Variants in EPN2 observed in about 807,000 individuals in gnomAD.
EPN2 encodes the protein epsin 2.
A neutral mutation model predicts 61.7 loss-of-function variants in EPN2; 34 were observed. The observed-to-expected ratio is 0.55, with a 90% CI of 0.42 to 0.73. The LOEUF (loss-of-function observed/expected upper bound fraction) is 0.73, where lower values mean the gene tolerates loss of function less well. EPN2 is among the 30% of genes least tolerant of loss of function. The probability of loss-of-function intolerance (pLI) is 0.00; values close to 1 mark genes in which losing one functional copy is unlikely to be tolerated. For synonymous variants in EPN2, 349 were observed against 353.6 expected (o/e 0.99, Z 0.15); for missense variants, 714 against 839.2 (o/e 0.85, Z 1.84).
chr17:19,312,356 A>T (rs1906182270), intron 6 of EPN2, among the ~76,000 whole-genome samples: 1 of 152,230 alleles, frequency 6.6e-6, no homozygotes, highest in Non-Finnish European at 1.5e-5. Context: ...CCAGTGCCTC[A>T]GTCTGCTCGT....
intron 4 of EPN2, among the ~76,000 whole-genome samples, chr17:19,287,929 A>G (rs1343841850): frequency 6.6e-6 from 1 of 152,114 alleles, no homozygotes; most frequent in East Asian, 1.9e-4. Flanking sequence ...TGACCTTGGA[A>G]GTCTCTTGAA....
At position 19,325,429 on chromosome 17, in the gene EPN2, A is replaced by C. The variant is rs1261574013; in HGVS notation, c.1148-3282A>C. ...TGAAGTACTTTGTTTGCAAGAACCAACTCATTAGAAAATTTACAAATGTAC... is the reference window on the plus strand; with the variant it reads ...TGAAGTACTTTGTTTGCAAGAACCACCTCATTAGAAAATTTACAAATGTAC... On this transcript the variant is annotated intron_variant, in intron 7 of 10. Coordinates refer to ENST00000314728, the MANE Select transcript of EPN2 (RefSeq NM_014964.5). Among the ~76,000 whole-genome samples, 3 of 152,238 alleles carry C rather than the reference A, an allele frequency of 2.0e-5. No individual in the cohort carries two copies. In the East Asian group the frequency reaches 5.8e-4, roughly 29 times the overall value.
intron 4 of EPN2, among the ~76,000 whole-genome samples, chr17:19,292,118 G>A (rs3785784): frequency 0.91 from 138,926 of 152,304 alleles, 63,931 homozygotes; most frequent in African/African-American, 0.97. Flanking sequence ...CCCAGCCAGC[G>A]TGTCAGAAGT....
intron 8 of EPN2, chr17:19,329,113 G>T: frequency 2.0e-6 from 1 of 508,940 alleles, no homozygotes; most frequent in Non-Finnish European, 3.5e-6. Flanking sequence ...AAATTGAGGG[G>T]GCTTCCACCT....
At chr17:19,298,001 G>A (rs1183502795) in intron 4 of EPN2, among the ~76,000 whole-genome samples, 5 of 151,954 alleles carry the variant, frequency 3.3e-5, no homozygotes, top group Admixed American at 1.3e-4. Context: ...CCAGCCTCCC[G>A]AGTAGCTGGG....
chr17:19,266,405 A>ATT (rs5819665), intron 1 of EPN2, among the ~76,000 whole-genome samples: 7 of 142,082 alleles, frequency 4.9e-5, no homozygotes, highest in African/African-American at 5.2e-5. Context: ...TATTTATTTT[A>ATT]TTTTTTTTTT....
At chr17:19,298,940 G>GT (rs1220518233) in intron 4 of EPN2, among the ~76,000 whole-genome samples, 22 of 152,014 alleles carry the variant, frequency 1.4e-4, no homozygotes, top group Non-Finnish European at 2.4e-4. Context: ...CAGAAAGCTT[G>GT]TTTTTTTCTT....
chr17:19,311,736 T>C (rs1206704903), intron 5 of EPN2, among the ~76,000 whole-genome samples: 1 of 152,218 alleles, frequency 6.6e-6, no homozygotes, highest in Non-Finnish European at 1.5e-5. Context: ...ATAAGTAGAA[T>C]TTATAAAGCC....
At chr17:19,255,668 G>T (rs1038125082) in intron 1 of EPN2, among the ~76,000 whole-genome samples, 2 of 150,098 alleles carry the variant, frequency 1.3e-5, no homozygotes, top group African/African-American at 4.9e-5. Flanking sequence ...CTGTTGCCCA[G>T]CTGGAGTGTG....
At chr17:19,271,540 GTCTC>G (rs1005971862) in intron 1 of EPN2, 1 of 152,262 alleles carries the variant, frequency 6.6e-6, no homozygotes, top group African/African-American at 2.4e-5. Context: ...TGCTCTTGTG[GTCTC>G]TAAGATCCTG....
At chr17:19,274,680 G>A (rs2045288828) in intron 1 of EPN2, among the ~76,000 whole-genome samples, 2 of 152,134 alleles carry the variant, frequency 1.3e-5, no homozygotes, top group African/African-American at 4.8e-5. Flanking sequence ...ACAGAGGCAC[G>A]GGGTGTAGAG....
chr17:19,243,689 G>A (rs189493620), intron 1 of EPN2, among the ~76,000 whole-genome samples: 270 of 152,022 alleles, frequency 1.8e-3, no homozygotes, highest in African/African-American at 6.3e-3. Flanking sequence ...CACTGCGCCC[G>A]GCCATGCCCG....
At chr17:19,266,503 T>C (rs1007961661) in intron 1 of EPN2, among the ~76,000 whole-genome samples, 3 of 151,734 alleles carry the variant, frequency 2.0e-5, no homozygotes, top group African/African-American at 7.3e-5. Context: ...CCCGGGTTCG[T>C]GCCATTCTCC....
chr17:19,243,274 C>T (rs534722190), intron 1 of EPN2, among the ~76,000 whole-genome samples: 31 of 140,942 alleles, frequency 2.2e-4, no homozygotes, highest in Admixed American at 7.4e-4. Flanking sequence ...GGCTGGAGTG[C>T]GGTGGCGCGA....
intron 1 of EPN2, among the ~76,000 whole-genome samples, chr17:19,276,194 T>C (rs2045303287): frequency 6.6e-6 from 1 of 152,010 alleles, no homozygotes. Context: ...GTGGGCCTGC[T>C]CAGCCGTTTT....
chr17:19,254,234 G>T (rs2045048869), intron 1 of EPN2, among the ~76,000 whole-genome samples: 1 of 151,526 alleles, frequency 6.6e-6, no homozygotes, highest in Non-Finnish European at 1.5e-5. Context: ...GGAAAGGAAG[G>T]AAGGAGAACT....
chr17:19,237,435 G>GGCGGTGGCGGCGGCTCCGCGGGCT lies in EPN2; in HGVS notation c.-389_-366dup, dbSNP rs1567837840. On this transcript the variant is annotated 5_prime_UTR_variant, in exon 1 of 11. Transcript: ENST00000314728. ...GTGGGTGTCAAACTGAGCCAGACGCGGCGGTGGCGGCGGCTCCGCGGGCTA... is the reference window on the plus strand; with the variant it reads ...GTGGGTGTCAAACTGAGCCAGACGCGGCGGTGGCGGCGGCTCCGCGGGCTGCGGTGGCGGCGGCTCCGCGGGCTA... 1 of 152,014 alleles carries GGCGGTGGCGGCGGCTCCGCGGGCT rather than the reference G, an allele frequency of 6.6e-6. No individual in the cohort carries two copies. Among genetic ancestry groups the GGCGGTGGCGGCGGCTCCGCGGGCT allele is most frequent in the Non-Finnish European group, 1.5e-5 (1 of 67,978 alleles). The allele number at this position is 152,014 out of a possible 1,614,324, so 9.4% of individuals were successfully genotyped here. A position where few individuals can be genotyped will look rare whatever the true frequency, so the allele number is the denominator to read the frequency against.
chr17:19,238,084 C>A (rs1017723242), intron 1 of EPN2, among the ~76,000 whole-genome samples: 1 of 152,192 alleles, frequency 6.6e-6, no homozygotes, highest in Non-Finnish European at 1.5e-5. Flanking sequence ...GTAGCAGGGC[C>A]CCCTTCCGTC....
intron 10 of EPN2, among the ~76,000 whole-genome samples, chr17:19,333,545 G>C (rs985102034): frequency 6.6e-6 from 1 of 152,120 alleles, no homozygotes; most frequent in Non-Finnish European, 1.5e-5. Flanking sequence ...TGGATCCCTG[G>C]GTGCATTGTG....
Sources: gnomAD v4.1 joint callset for allele counts (sites outside exome capture counted in the v4.1 genomes callset) on GRCh38, gnomAD v4.1.1 for gene constraint, MANE v1.5 for transcripts, NCBI Gene and HGNC (gene_info 2026-07-23, HGNC 2026-07-21) for gene names.